DTD1: variants seen among roughly 807,000 people sequenced by gnomAD.
The protein encoded by DTD1 is D-aminoacyl-tRNA deacylase 1.
A neutral mutation model predicts 25.6 loss-of-function variants in DTD1; 13 were observed. That is an observed-to-expected ratio of 0.51 (90% CI 0.33 to 0.81). DTD1 has a LOEUF of 0.81. Ranked by LOEUF, DTD1 falls within the 30% of genes least tolerant of loss-of-function variation. The pLI, the probability that DTD1 is intolerant of heterozygous loss-of-function variation, is 0.02. For missense variants in DTD1, 193 were observed against 266.4 expected, an observed-to-expected ratio of 0.72 and a Z score of 1.92; for synonymous variants, 110 against 103.6, an observed-to-expected ratio of 1.06 and a Z score of -0.37.
intron 4 of DTD1, among the ~76,000 whole-genome samples, chr20:18,731,392 T>A (rs576603537): frequency 6.6e-6 from 1 of 152,362 alleles, no homozygotes; most frequent in Non-Finnish European, 1.5e-5. Context: ...CCACATCCAC[T>A]GTGTGTGCTT....
At chr20:18,620,344 C>A (rs2060728746) in intron 3 of DTD1, among the ~76,000 whole-genome samples, 1 of 152,052 alleles carries the variant, frequency 6.6e-6, no homozygotes, top group South Asian at 2.1e-4. Flanking sequence ...CCTAAGAGAC[C>A]CCCAAACTCA....
At chr20:18,657,076 A>G (rs2060894022) in intron 4 of DTD1, among the ~76,000 whole-genome samples, 1 of 152,216 alleles carries the variant, frequency 6.6e-6, no homozygotes, top group Non-Finnish European at 1.5e-5. Context: ...ATACAACACT[A>G]ATCCACAGAT....
At chr20:18,630,011 A>G (rs1426239590) in intron 4 of DTD1, among the ~76,000 whole-genome samples, 1 of 152,052 alleles carries the variant, frequency 6.6e-6, no homozygotes, top group Non-Finnish European at 1.5e-5. Flanking sequence ...GGGTGGGGAC[A>G]CAAATCCAAA....
At chr20:18,631,598 T>C in intron 4 of DTD1, 1 of 985,486 alleles carries the variant, frequency 1.0e-6, no homozygotes, top group Non-Finnish European at 1.2e-6. Flanking sequence ...AGGGCCCCAG[T>C]GACCTCACAT....
At chr20:18,687,009 T>A (rs1401482507) in intron 4 of DTD1, among the ~76,000 whole-genome samples, 1 of 152,160 alleles carries the variant, frequency 6.6e-6, no homozygotes, top group African/African-American at 2.4e-5. Context: ...AGAGCTTAGA[T>A]TCTGGTCTAT....
intron 4 of DTD1, among the ~76,000 whole-genome samples, chr20:18,691,742 C>T (rs6132102): frequency 0.14 from 21,889 of 152,192 alleles, 1,689 homozygotes; most frequent in Admixed American, 0.2. Flanking sequence ...CAAACCTACA[C>T]ATGTACCCTC....
At chr20:18,622,325 T>G (rs2060737986) in intron 3 of DTD1, among the ~76,000 whole-genome samples, 1 of 152,132 alleles carries the variant, frequency 6.6e-6, no homozygotes, top group Non-Finnish European at 1.5e-5. Context: ...TGACATCTTT[T>G]TAAATACATT....
At chr20:18,676,522 T>TA (rs2060975320) in intron 4 of DTD1, among the ~76,000 whole-genome samples, 1 of 152,188 alleles carries the variant, frequency 6.6e-6, no homozygotes, top group Non-Finnish European at 1.5e-5. Context: ...GCCTCCCCTG[T>TA]GAGAAGCTGT....
chr20:18,751,851 T>TG (rs567280576), intron 5 of DTD1, among the ~76,000 whole-genome samples: 4,825 of 150,302 alleles, frequency 0.032, 134 homozygotes, highest in African/African-American at 0.073. Flanking sequence ...GTTTTTTTTT[T>TG]TTGTTGTTGT....
At chr20:18,702,076 A>G (rs2061107616) in intron 4 of DTD1, among the ~76,000 whole-genome samples, 1 of 152,184 alleles carries the variant, frequency 6.6e-6, no homozygotes, top group Non-Finnish European at 1.5e-5. Flanking sequence ...ATATTTAGAG[A>G]GTCTCTTATT....
chr20:18,647,747 G>A (rs891611879), intron 4 of DTD1, among the ~76,000 whole-genome samples: 6 of 152,162 alleles, frequency 3.9e-5, no homozygotes, highest in Non-Finnish European at 8.8e-5. Flanking sequence ...GGCAGCCACT[G>A]AGGAGGGATT....
At chr20:18,714,686 C>T (rs149779084) in intron 4 of DTD1, among the ~76,000 whole-genome samples, 129 of 152,238 alleles carry the variant, frequency 8.5e-4, no homozygotes, top group African/African-American at 2.8e-3. Flanking sequence ...CCTTTAGGAG[C>T]ACTGAGGCCT....
intron 3 of DTD1, among the ~76,000 whole-genome samples, chr20:18,626,958 AAC>A (rs2122309011): frequency 6.6e-6 from 1 of 152,352 alleles, no homozygotes; most frequent in African/African-American, 2.4e-5. Context: ...CATGCAATTA[AAC>A]ACATGATTTC....
rs1421863490 is a variant in DTD1, at chr20:18,765,917, T to C, written c.*2577T>C. The C allele has an allele frequency of 6.6e-6, 1 of 152,234 alleles. No individual in the cohort carries two copies. 9.4% of individuals were successfully genotyped at this position (152,234 alleles called of 1,614,324 possible). A position where few individuals can be genotyped will look rare whatever the true frequency, so the allele number is the denominator to read the frequency against. On this transcript the variant is annotated 3_prime_UTR_variant, in exon 6 of 6. Coordinates refer to ENST00000377452, the MANE Select transcript of DTD1 (RefSeq NM_080820.6). ...GGCTTTTCTGAGAAGCCTTGGCAGA[T>C]CACAGACCCAGGACTTTAAACAGAG...
intron 4 of DTD1, among the ~76,000 whole-genome samples, chr20:18,697,073 T>A (rs1490369892): frequency 6.6e-6 from 1 of 151,648 alleles, no homozygotes; most frequent in Non-Finnish European, 1.5e-5. Context: ...CTACTAAAAA[T>A]ACAAAAAAAT....
At chr20:18,661,209 A>G (rs867271745) in intron 4 of DTD1, among the ~76,000 whole-genome samples, 2 of 152,094 alleles carry the variant, frequency 1.3e-5, no homozygotes, top group African/African-American at 2.4e-5. Flanking sequence ...CCTTTGTTAG[A>G]CATGTTTTTA....
Position 18,628,183 on chromosome 20 carries a change from A to G in DTD1, c.427A>G (p.Ile143Val). 6.2e-7 allele frequency: 1 copy of G among 1,613,934 alleles called. No homozygotes were observed. Among genetic ancestry groups the G allele is most frequent in the Non-Finnish European group, 8.5e-7 (1 of 1,179,880 alleles). ...VHIQNDGPVT[I>V]ELESPAPGTA... ...CATTCAGAATGATGGGCCTGTGACC[A>G]TAGAGCTGGAATCGCCAGCTCCCGG... Residue 143 changes from isoleucine to valine, a missense_variant, in exon 4 of 6, where the codon ATA becomes GTA. Ile to Val is a conservative substitution (Grantham distance 29). Transcript: ENST00000377452.
intron 4 of DTD1, chr20:18,630,985 C>CA: frequency 1.2e-6 from 1 of 845,876 alleles, no homozygotes. Context: ...CCTGTGATAC[C>CA]AGCCTTATTA....
chr20:18,593,940 A>G, intron 2 of DTD1, 119 bp downstream of exon 2: 1 of 752,376 alleles, frequency 1.3e-6, no homozygotes, highest in East Asian at 2.8e-5. Context: ...CCATTGTCCC[A>G]TTGGATGTAG....
Sources: allele counts gnomAD v4.1 joint callset (sites outside exome capture counted in the v4.1 genomes callset), GRCh38; gene constraint gnomAD v4.1.1; transcripts MANE v1.5; gene names NCBI Gene and HGNC (gene_info 2026-07-23, HGNC 2026-07-21).